MTUS2: variants seen among roughly 807,000 people sequenced by gnomAD.
MTUS2 encodes microtubule-associated tumor suppressor candidate 2.
MTUS2 carries 40 observed loss-of-function variants against 114.1 expected under a neutral mutation model. The ratio of observed to expected loss-of-function variants is 0.35; its 90% CI spans 0.27 to 0.46. MTUS2 has a LOEUF of 0.46. Among genes scored for constraint, MTUS2 ranks in the 20% least tolerant of loss-of-function variants. The probability of loss-of-function intolerance (pLI) is 1.00; values close to 1 mark genes in which losing one functional copy is unlikely to be tolerated. For synonymous variants in MTUS2, 688 were observed against 672.0 expected (o/e 1.02, Z -0.37); for missense variants, 1,679 against 1,705.4 (o/e 0.98, Z 0.27).
At chr13:29,075,013 T>G (rs1215814180) in intron 4 of MTUS2, among the ~76,000 whole-genome samples, 1 of 152,212 alleles carries the variant, frequency 6.6e-6, no homozygotes, top group African/African-American at 2.4e-5. Flanking sequence ...GCTCCAGATT[T>G]CTCAAGCCCC....
chr13:29,481,922 G>A (rs535049772), intron 10 of MTUS2, among the ~76,000 whole-genome samples: 11 of 152,166 alleles, frequency 7.2e-5, no homozygotes, highest in South Asian at 4.2e-4. Flanking sequence ...CCCCGGTGTC[G>A]TGCCTCCCAG....
rs1441704883 is a variant in MTUS2 at position 29,297,281 on chromosome 13, T to C, written c.2806+15416T>C. 2.6e-5 allele frequency among the ~76,000 whole-genome samples: 4 copies of C among 152,218 alleles called. No individual in the cohort carries two copies. The East Asian group carries it at 5.8e-4, about 22-fold the overall frequency. On this transcript the variant is annotated intron_variant, in intron 6 of 15. Coordinates refer to ENST00000612955, the MANE Select transcript of MTUS2 (RefSeq NM_001033602.4). Reference sequence around the variant, plus strand: ...CAATTGAAAGGATGCATAAGTATTTTAGATACCAGGCATATAAATAACAAA... The same window carrying C: ...CAATTGAAAGGATGCATAAGTATTTCAGATACCAGGCATATAAATAACAAA...
chr13:29,295,103 G>A (rs7334097), intron 6 of MTUS2, among the ~76,000 whole-genome samples: 97,046 of 151,552 alleles, frequency 0.64, 32,243 homozygotes, highest in Non-Finnish European at 0.73. Flanking sequence ...TGAAAATAAC[G>A]TATTGACTGG....
intron 7 of MTUS2, among the ~76,000 whole-genome samples, chr13:29,358,775 A>T (rs943028471): frequency 2.6e-5 from 4 of 152,124 alleles, no homozygotes; most frequent in African/African-American, 9.7e-5. Flanking sequence ...CAGGGCTGTG[A>T]CTTGGACGTG....
chr13:29,227,959 G>A (rs929933129), intron 5 of MTUS2, among the ~76,000 whole-genome samples: 4 of 152,102 alleles, frequency 2.6e-5, no homozygotes, highest in African/African-American at 9.7e-5. Context: ...TATATTAATA[G>A]AATTATAGTG....
intron 7 of MTUS2, among the ~76,000 whole-genome samples, chr13:29,328,751 A>G (rs1475111114): frequency 6.6e-6 from 1 of 152,238 alleles, no homozygotes; most frequent in Non-Finnish European, 1.5e-5. Flanking sequence ...AATCTGATGC[A>G]AATTATTCCC....
At chr13:29,247,938 A>G (rs540658444) in intron 5 of MTUS2, among the ~76,000 whole-genome samples, 1 of 152,298 alleles carries the variant, frequency 6.6e-6, no homozygotes, top group South Asian at 2.1e-4. Context: ...TAGGAAAAAG[A>G]CACTTGCACA....
chr13:28,910,479 A>G (rs1219467803), intron 2 of MTUS2, among the ~76,000 whole-genome samples: 7 of 152,010 alleles, frequency 4.6e-5, no homozygotes, highest in African/African-American at 9.7e-5. Context: ...AGATCAACCT[A>G]TCACCTAGGT....
intron 4 of MTUS2, among the ~76,000 whole-genome samples, chr13:29,062,621 G>A (rs557616360): frequency 6.6e-6 from 1 of 152,074 alleles, no homozygotes; most frequent in Non-Finnish European, 1.5e-5. Context: ...TCAGTTCTCA[G>A]ATAGGAAACC....
chr13:28,954,346 A>C (rs951883527), intron 2 of MTUS2, among the ~76,000 whole-genome samples: 9 of 152,240 alleles, frequency 5.9e-5, no homozygotes, highest in Non-Finnish European at 1.2e-4. Context: ...GGAATATCCC[A>C]GTGGGTCACT....
Position 28,853,820 on chromosome 13 carries a change from T to C in MTUS2, c.-243+13970T>C, listed in dbSNP as rs759175826. On this transcript the variant is annotated intron_variant, in intron 2 of 15. Coordinates refer to ENST00000612955, the MANE Select transcript of MTUS2 (RefSeq NM_001033602.4). ...ATAAAAACAGATGATAACTTAATACTACTATATAAGAAGTTGGCCAAGGAG... is the reference window on the plus strand; with the variant it reads ...ATAAAAACAGATGATAACTTAATACCACTATATAAGAAGTTGGCCAAGGAG... 3.3e-5 allele frequency among the ~76,000 whole-genome samples: 5 copies of C among 152,328 alleles called. No homozygotes were observed. In the East Asian group the frequency reaches 9.6e-4, roughly 29 times the overall value.
At chr13:29,349,913 AAAT>A (rs1198840448) in intron 7 of MTUS2, among the ~76,000 whole-genome samples, 1 of 152,170 alleles carries the variant, frequency 6.6e-6, no homozygotes, top group Admixed American at 6.5e-5. Flanking sequence ...AGTTTTCATC[AAAT>A]AATAGGGTGT....
At chr13:28,910,255 C>G (rs956170608) in intron 2 of MTUS2, among the ~76,000 whole-genome samples, 1 of 152,134 alleles carries the variant, frequency 6.6e-6, no homozygotes, top group African/African-American at 2.4e-5. Context: ...ATTTTTAGCT[C>G]CCACAAATAA....
At chr13:28,867,776 G>T (rs899756866) in intron 2 of MTUS2, among the ~76,000 whole-genome samples, 1 of 152,142 alleles carries the variant, frequency 6.6e-6, no homozygotes, top group African/African-American at 2.4e-5. Flanking sequence ...CCTGCATCCC[G>T]TGCCTACTGT....
At chr13:29,069,472 G>C (rs115500738) in intron 4 of MTUS2, among the ~76,000 whole-genome samples, 8 of 152,168 alleles carry the variant, frequency 5.3e-5, no homozygotes, top group Admixed American at 2.6e-4. Flanking sequence ...CATTGGGGAA[G>C]GCCATCTGCT....
chr13:29,392,665 G>A (rs774320071), intron 8 of MTUS2, among the ~76,000 whole-genome samples: 9 of 152,332 alleles, frequency 5.9e-5, no homozygotes, highest in African/African-American at 9.6e-5. Flanking sequence ...TGGTACAACT[G>A]ATAAGTGGAC....
At chr13:29,396,788 G>A (rs1400375925) in intron 8 of MTUS2, among the ~76,000 whole-genome samples, 1 of 152,226 alleles carries the variant, frequency 6.6e-6, no homozygotes, top group Non-Finnish European at 1.5e-5. Flanking sequence ...GATCATGGGG[G>A]CAACCTCACT....
chr13:28,896,469 C>A (rs534298062), intron 2 of MTUS2, among the ~76,000 whole-genome samples: 217 of 152,208 alleles, frequency 1.4e-3, no homozygotes, highest in African/African-American at 4.4e-3. Flanking sequence ...GAAAATGGCC[C>A]TACTGTCCAA....
chr13:28,952,330 A>G lies in MTUS2; in HGVS notation c.-242-72127A>G, dbSNP rs1444366297. On this transcript the variant is annotated intron_variant, in intron 2 of 15. Coordinates refer to ENST00000612955, the MANE Select transcript of MTUS2 (RefSeq NM_001033602.4). ...ATCAAATATATGAGCTCATTTGTAC[A>G]TACACTGATATTCCATTTTTATTTG... is the stretch of plus-strand genomic sequence containing the variant. Among the ~76,000 whole-genome samples, 3 of 152,214 alleles carry G rather than the reference A, an allele frequency of 2.0e-5. No individual in the cohort carries two copies. The East Asian group carries it at 5.8e-4, about 29-fold the overall frequency.
Sources: gnomAD v4.1 joint callset for allele counts (sites outside exome capture counted in the v4.1 genomes callset) on GRCh38, gnomAD v4.1.1 for gene constraint, MANE v1.5 for transcripts, NCBI Gene and HGNC (gene_info 2026-07-23, HGNC 2026-07-21) for gene names.